The following SV2C variants were observed in gnomAD, a reference collection of about 807,000 sequenced individuals.
The protein encoded by SV2C is synaptic vesicle glycoprotein 2C, also known as solute carrier family 22 member B3.
A neutral mutation model predicts 79.7 loss-of-function variants in SV2C; 49 were observed. That is an observed-to-expected ratio of 0.61 (90% CI 0.49 to 0.78). The LOEUF (loss-of-function observed/expected upper bound fraction) is 0.78, where lower values mean the gene tolerates loss of function less well. Ranked by LOEUF, SV2C falls within the 30% of genes least tolerant of loss-of-function variation. SV2C has a pLI of 0.00. For synonymous variants in SV2C, 334 were observed against 333.2 expected, an observed-to-expected ratio of 1.00 and a Z score of -0.03; for missense variants, 833 against 912.9, an observed-to-expected ratio of 0.91 and a Z score of 1.13.
chr5:76,185,440 T>A (rs1743884548), intron 2 of SV2C, among the ~76,000 whole-genome samples: 1 of 152,232 alleles, frequency 6.6e-6, no homozygotes, highest in Non-Finnish European at 1.5e-5. Context: ...AGATTCTCCA[T>A]GAGGGCTCTG....
intron 12 of SV2C, among the ~76,000 whole-genome samples, chr5:76,348,623 A>G (rs1749587794): frequency 6.6e-6 from 1 of 152,228 alleles, no homozygotes; most frequent in Non-Finnish European, 1.5e-5. Context: ...CTCAGCAGCT[A>G]ACTGTACCAG....
the SV2C span, among the ~76,000 whole-genome samples, chr5:75,847,726 G>T: frequency 6.6e-6 from 1 of 152,148 alleles, no homozygotes; most frequent in African/African-American, 2.4e-5. Flanking sequence ...GGAAATGAAA[G>T]GTTTGTATTT....
At chr5:76,125,688 A>G (rs1211420609) in intron 1 of SV2C, among the ~76,000 whole-genome samples, 2 of 152,210 alleles carry the variant, frequency 1.3e-5, no homozygotes, top group African/African-American at 4.8e-5. Context: ...TTGGGGGACT[A>G]CTGATCCAGA....
chr5:76,046,781 T>C, the SV2C span, among the ~76,000 whole-genome samples: 1 of 152,178 alleles, frequency 6.6e-6, no homozygotes, highest in South Asian at 2.1e-4. Context: ...GAGGGGATGC[T>C]CTCAGATGGC....
chr5:75,919,529 T>C, the SV2C span, among the ~76,000 whole-genome samples: 83 of 152,318 alleles, frequency 5.4e-4, no homozygotes, highest in African/African-American at 1.8e-3. Context: ...CCATGAACTC[T>C]TCTATAGAAT....
the SV2C span, among the ~76,000 whole-genome samples, chr5:75,892,588 C>T: frequency 6.6e-6 from 1 of 152,046 alleles, no homozygotes; most frequent in Non-Finnish European, 1.5e-5. Flanking sequence ...CTCCCTTCCT[C>T]ATCTTCCCTC....
the SV2C span, among the ~76,000 whole-genome samples, chr5:76,016,558 G>A: frequency 6.6e-6 from 1 of 152,170 alleles, no homozygotes; most frequent in Admixed American, 6.5e-5. Context: ...ATGGCCTTGT[G>A]TAAATTATTT....
the SV2C span, among the ~76,000 whole-genome samples, chr5:75,879,136 C>CTTCTTGTGGCTCCTGTTGAAGGAG: frequency 6.6e-6 from 1 of 152,168 alleles, no homozygotes; most frequent in African/African-American, 2.4e-5. Flanking sequence ...TCCCACAAGG[C>CTTCTTGTGGCTCCTGTTGAAGGAG]CCCACCTTCA....
At chr5:76,288,083 CAAA>C (rs36124813) in intron 6 of SV2C, among the ~76,000 whole-genome samples, 5 of 82,566 alleles carry the variant, frequency 6.1e-5, no homozygotes, top group African/African-American at 8.5e-5. Context: ...GACTCCATCT[CAAA>C]AAAAAAAAAA....
chr5:76,030,289 T>TTTTTTTTTTTATTTATTTATTTA, the SV2C span, among the ~76,000 whole-genome samples: 3 of 117,910 alleles, frequency 2.5e-5, no homozygotes, highest in Admixed American at 8.4e-5. Flanking sequence ...TTTTTTTTTT[T>TTTTTTTTTTTATTTATTTATTTA]TTTATTTATT....
At chr5:76,221,638 A>C (rs1012971221) in intron 4 of SV2C, among the ~76,000 whole-genome samples, 6 of 152,086 alleles carry the variant, frequency 3.9e-5, no homozygotes, top group Non-Finnish European at 7.3e-5. Context: ...TGGCCTTTCT[A>C]TTTGGTTTCA....
chr5:76,034,819 G>T, the SV2C span, among the ~76,000 whole-genome samples: 2 of 152,196 alleles, frequency 1.3e-5, no homozygotes, highest in African/African-American at 4.8e-5. Flanking sequence ...GTTTCAGAAG[G>T]AATGGTACCA....
At chr5:76,117,163 C>G (rs1186745739) in intron 1 of SV2C, among the ~76,000 whole-genome samples, 2 of 152,156 alleles carry the variant, frequency 1.3e-5, no homozygotes, top group Non-Finnish European at 2.9e-5. Flanking sequence ...AGCACATTTC[C>G]TGACCCAACC....
the SV2C span, among the ~76,000 whole-genome samples, chr5:75,975,263 T>G: frequency 2.0e-5 from 3 of 152,112 alleles, no homozygotes; most frequent in Non-Finnish European, 2.9e-5. Context: ...GAAGCCCTAT[T>G]TGTATGTATT....
intron 12 of SV2C, among the ~76,000 whole-genome samples, chr5:76,352,206 C>T (rs1165408164): frequency 6.6e-6 from 1 of 152,066 alleles, no homozygotes; most frequent in African/African-American, 2.4e-5. Flanking sequence ...GAGTGAGACT[C>T]TGTCTTAAAA....
At chr5:75,873,731 A>G in the SV2C span, among the ~76,000 whole-genome samples, 1 of 152,144 alleles carries the variant, frequency 6.6e-6, no homozygotes, top group Non-Finnish European at 1.5e-5. Context: ...AGTAAATGTT[A>G]CCATTGACCC....
At chr5:76,032,115 A>C in the SV2C span, among the ~76,000 whole-genome samples, 1 of 152,248 alleles carries the variant, frequency 6.6e-6, no homozygotes, top group Non-Finnish European at 1.5e-5. Flanking sequence ...ACAGATTATT[A>C]AGTGATAACT....
intron 2 of SV2C, among the ~76,000 whole-genome samples, chr5:76,140,515 C>G (rs892088220): frequency 6.6e-6 from 1 of 152,128 alleles, no homozygotes; most frequent in Admixed American, 6.5e-5. Context: ...TAAGATTCCC[C>G]TTTGCTAGTT....
At chr5:75,902,083 G>GCGC in the SV2C span, among the ~76,000 whole-genome samples, 1 of 152,046 alleles carries the variant, frequency 6.6e-6, no homozygotes, top group African/African-American at 2.4e-5. Flanking sequence ...CGTGCATGGT[G>GCGC]TGCTGCACCC....
Sources: gnomAD v4.1 joint callset for allele counts (sites outside exome capture counted in the v4.1 genomes callset) on GRCh38, gnomAD v4.1.1 for gene constraint, MANE v1.5 for transcripts, NCBI Gene and HGNC (gene_info 2026-07-23, HGNC 2026-07-21) for gene names.